The following SDHC variants were observed in gnomAD, a reference collection of about 807,000 sequenced individuals.
The protein encoded by SDHC is succinate dehydrogenase complex subunit C.
SDHC carries 11 observed loss-of-function variants against 22.6 expected under a neutral mutation model. The observed-to-expected ratio is 0.49, with a 90% CI of 0.31 to 0.81. The LOEUF (loss-of-function observed/expected upper bound fraction) is 0.81. Ranked by LOEUF, SDHC falls within the 30% of genes least tolerant of loss-of-function variation. The pLI is 0.05. For missense variants in SDHC, 160 were observed against 212.0 expected (o/e 0.75, Z 1.52); for synonymous variants, 80 against 77.8 (o/e 1.03, Z -0.15).
chr1:161,330,203 A>C (rs553764920), intron 3 of SDHC, among the ~76,000 whole-genome samples: 1 of 152,190 alleles, frequency 6.6e-6, no homozygotes, highest in Admixed American at 6.6e-5. Context: ...GTTTCAACCT[A>C]CTGTAGCCTC....
chr1:161,319,538 C>T (rs906068194), intron 1 of SDHC, among the ~76,000 whole-genome samples: 6 of 151,756 alleles, frequency 4.0e-5, no homozygotes, highest in Admixed American at 2.6e-4. Context: ...CCTCTGCCTC[C>T]TGGGTTCAAG....
chr1:161,361,715 T>C (rs58055613), intron 5 of SDHC, among the ~76,000 whole-genome samples: 20,229 of 151,960 alleles, frequency 0.13, 1,964 homozygotes, highest in African/African-American at 0.27. Context: ...TGGTGGCGTG[T>C]GCCTCTAGTC....
chr1:161,323,011 T>A (rs1206805338), intron 1 of SDHC, among the ~76,000 whole-genome samples: 1 of 152,136 alleles, frequency 6.6e-6, no homozygotes, highest in Non-Finnish European at 1.5e-5. Flanking sequence ...CTTTTATTTT[T>A]TTTTTGAGAC....
intron 1 of SDHC, among the ~76,000 whole-genome samples, chr1:161,322,689 C>G (rs1033969488): frequency 6.6e-6 from 1 of 151,780 alleles, no homozygotes; most frequent in Admixed American, 6.6e-5. Flanking sequence ...ACCTCAGCCT[C>G]CAGAGTAGCT....
intron 2 of SDHC, 137 bp from the exon 3 acceptor site, chr1:161,328,259 C>T (rs1414281883): frequency 4.1e-6 from 3 of 737,628 alleles, no homozygotes; most frequent in African/African-American, 1.7e-5. Flanking sequence ...GCCTCGGCCT[C>T]CCAAAGAGCT....
At chr1:161,327,401 C>T (rs1671097028) in intron 2 of SDHC, among the ~76,000 whole-genome samples, 1 of 152,104 alleles carries the variant, frequency 6.6e-6, no homozygotes, top group South Asian at 2.1e-4. Flanking sequence ...ATTTTGAAAG[C>T]ATATGTTGTT....
intron 3 of SDHC, among the ~76,000 whole-genome samples, chr1:161,333,173 C>T (rs1279134856): frequency 6.6e-6 from 1 of 152,118 alleles, no homozygotes; most frequent in Non-Finnish European, 1.5e-5. Flanking sequence ...TCAGTGCTTC[C>T]TTCCTTTTTA....
intron 4 of SDHC, among the ~76,000 whole-genome samples, chr1:161,352,272 A>C (rs750742244): frequency 6.6e-6 from 1 of 152,206 alleles, no homozygotes; most frequent in Non-Finnish European, 1.5e-5. Context: ...TTTCAATTGA[A>C]TTAACTGATT....
chr1:161,334,898 C>G (rs1204775576), intron 3 of SDHC, among the ~76,000 whole-genome samples: 1 of 152,212 alleles, frequency 6.6e-6, no homozygotes, highest in East Asian at 1.9e-4. Flanking sequence ...TGCATTTCCT[C>G]AATTGCAAGA....
At chr1:161,331,629 A>G (rs1462830377) in intron 3 of SDHC, among the ~76,000 whole-genome samples, 5 of 142,460 alleles carry the variant, frequency 3.5e-5, no homozygotes, top group Non-Finnish European at 6.0e-5. Flanking sequence ...AGAGTCTCAC[A>G]CTATTGCCAG....
intron 5 of SDHC, among the ~76,000 whole-genome samples, chr1:161,359,323 TA>T (rs1030349397): frequency 1.3e-5 from 2 of 151,942 alleles, no homozygotes; most frequent in African/African-American, 2.4e-5. Flanking sequence ...TTTAATGGAA[TA>T]AAAAAAATGA....
At chr1:161,358,968 G>C (rs1384772997) in intron 5 of SDHC, among the ~76,000 whole-genome samples, 2 of 151,590 alleles carry the variant, frequency 1.3e-5, no homozygotes, top group African/African-American at 4.8e-5. Context: ...AGCTGGGGGT[G>C]GTGGCATGTG....
Position 161,332,783 on chromosome 1 carries a change from C to T in SDHC, c.179+4286C>T, listed in dbSNP as rs1012137851. 2.0e-5 allele frequency among the ~76,000 whole-genome samples: 3 copies of T among 152,090 alleles called. No homozygotes were observed. The South Asian group carries it at 6.2e-4, about 31-fold the overall frequency. On this transcript the variant is annotated intron_variant, in intron 3 of 5. Transcript: ENST00000367975. ...AGTAGCTGGGATTACAGATGTGCAT[C>T]ACCATGCCTGACTAATTTTTGTGTT...
chr1:161,339,860 A>G (rs191201315), intron 3 of SDHC, among the ~76,000 whole-genome samples: 3 of 151,540 alleles, frequency 2.0e-5, no homozygotes, highest in Admixed American at 1.3e-4. Context: ...TTGTATTTTC[A>G]GTAGAGACGG....
intron 4 of SDHC, among the ~76,000 whole-genome samples, chr1:161,354,557 T>C (rs1175951515): frequency 2.0e-5 from 3 of 152,074 alleles, no homozygotes; most frequent in Non-Finnish European, 2.9e-5. Flanking sequence ...GGGTACTCTT[T>C]TTTGCTTCCC....
chr1:161,359,998 G>C (rs1052431391), intron 5 of SDHC, among the ~76,000 whole-genome samples: 1 of 151,400 alleles, frequency 6.6e-6, no homozygotes, highest in Non-Finnish European at 1.5e-5. Context: ...AGCAATTTGA[G>C]GGTTGAGGTG....
chr1:161,332,756 C>T (rs1671326560), intron 3 of SDHC, among the ~76,000 whole-genome samples: 1 of 151,980 alleles, frequency 6.6e-6, no homozygotes, highest in South Asian at 2.1e-4. Flanking sequence ...CTCAGCCTCC[C>T]AAGTAGCTGG....
chr1:161,324,815 T>A (rs936643208), intron 2 of SDHC, among the ~76,000 whole-genome samples: 1 of 152,232 alleles, frequency 6.6e-6, no homozygotes, highest in Non-Finnish European at 1.5e-5. Context: ...TAAACATAAT[T>A]ATCAAATTCA....
chr1:161,316,353 C>T lies in SDHC; in HGVS notation c.20+1928C>T, dbSNP rs116728300. On this transcript the variant is annotated intron_variant, in intron 1 of 5. Coordinates refer to ENST00000367975, the MANE Select transcript of SDHC (RefSeq NM_003001.5). ...CTAGGCGGAGGTCCTTGCGGCCTAC[C>T]GCAGTGTTTTGTGTCCCTGGGTACT... Among the ~76,000 whole-genome samples the T allele has an allele frequency of 7.3e-3, 1,111 of 152,282 alleles. 18 individuals carry two copies. The highest frequency in any genetic ancestry group is 0.025 in the African/African-American group (1,032 of 41,546).
Sources: allele counts gnomAD v4.1 joint callset (sites outside exome capture counted in the v4.1 genomes callset), GRCh38; gene constraint gnomAD v4.1.1; transcripts MANE v1.5; gene names NCBI Gene and HGNC (gene_info 2026-07-23, HGNC 2026-07-21).